ZNF792: variants seen among roughly 807,000 people sequenced by gnomAD.
The protein encoded by ZNF792 is zinc finger protein 792.
Under a neutral mutation model 13.1 loss-of-function variants are expected in ZNF792, and 14 were observed. The ratio of observed to expected loss-of-function variants is 1.07; its 90% CI spans 0.71 to 1.67. The LOEUF (loss-of-function observed/expected upper bound fraction) is 1.67. Ranked by LOEUF, ZNF792 falls within the 40% of genes most tolerant of loss-of-function variation. ZNF792 has a pLI of 0.00. For synonymous variants in ZNF792, 257 were observed against 292.0 expected, an observed-to-expected ratio of 0.88 and a Z score of 1.22; for missense variants, 740 against 807.9, an observed-to-expected ratio of 0.92 and a Z score of 1.02.
At position 34,963,670 on chromosome 19, in the gene ZNF792, T is replaced by C. The variant is rs78247295; in HGVS notation, c.-8A>G. ...CAGCGCCGCCGCTGCCATCGGAGTC[T>C]GTGGTCAGAGCAGGGCCCCACGGTG... On this transcript the variant is annotated 5_prime_UTR_variant, in exon 1 of 4. Transcript: ENST00000404801. 6.9e-3 allele frequency: 10,982 copies of C among 1,597,774 alleles called. 50 individuals are homozygous for C. The highest frequency in any genetic ancestry group is 0.013 in the South Asian group (1,139 of 88,738).
chr19:34,957,907 T>G lies in ZNF792; in HGVS notation c.*49A>C. The G allele has an allele frequency of 2.0e-6, 3 of 1,523,318 alleles. No individual in the cohort carries two copies. The highest frequency in any genetic ancestry group is 1.8e-4 in the Middle Eastern group (1 of 5,530). 94.4% of individuals were successfully genotyped at this position (1,523,318 alleles called of 1,614,324 possible). The stretch of plus-strand genomic sequence containing the variant: ...GAAAAAACGCTGATAAACTCTACAG[T>G]AAGAGAATGTAACTTGTCTCCAGAA... On this transcript the variant is annotated 3_prime_UTR_variant, in exon 4 of 4. Transcript: ENST00000404801.
At position 34,958,381 on chromosome 19, in the gene ZNF792, T is replaced by C; in HGVS notation, c.1474A>G (p.Ser492Gly). The C allele has an allele frequency of 6.2e-7, 1 of 1,613,820 alleles. No individual in the cohort carries two copies. The highest frequency in any genetic ancestry group is 8.5e-7 in the Non-Finnish European group (1 of 1,179,818). The change falls in exon 4 of 4, where the codon AGC becomes GGC. Residue 492 changes from serine to glycine, a missense_variant. Physicochemically the swap from Ser to Gly is moderately conservative, Grantham distance 56. Coordinates refer to ENST00000404801, the MANE Select transcript of ZNF792 (RefSeq NM_175872.5). The part of the protein sequence containing the change: ...ECGKLFSQSS[S>G]LNSHRRLHTG... ...TGAAGTCTCCGATGGCTATTGAGGCTGGAGCTCTGGCTAAATAACTTCCCA... is the reference window on the plus strand; with the variant it reads ...TGAAGTCTCCGATGGCTATTGAGGCCGGAGCTCTGGCTAAATAACTTCCCA...
rs2013474309 is a variant in ZNF792 at position 34,958,624 on chromosome 19, T to G, written c.1231A>C (p.Lys411Gln). ...TCTCCAGTGTGAACTCTCCAATGTT[T>G]AATTAGGCTGGAGTTGCAGTTGAAA... ...KSFNCNSSLI[K>Q]HWRVHTGERP... The change falls in exon 4 of 4, where the codon AAA becomes CAA. Residue 411 changes from lysine (K) to glutamine (Q), a missense_variant. By Grantham distance (53) the Lys-to-Gln change is moderately conservative. Transcript: ENST00000404801. The G allele has an allele frequency of 6.2e-7, 1 of 1,613,350 alleles. No individual in the cohort carries two copies. Among genetic ancestry groups the G allele is most frequent in the East Asian group, 2.2e-5 (1 of 44,886 alleles).
intron 2 of ZNF792, 28 bp from the exon 3 acceptor site, chr19:34,960,385 G>C: frequency 1.9e-6 from 3 of 1,606,606 alleles, no homozygotes; most frequent in Non-Finnish European, 2.5e-6. Flanking sequence ...TGGGTCAGTG[G>C]CCAGCACCTG....
At position 34,957,144 on chromosome 19, in the gene ZNF792, A is replaced by G. The variant is rs745568026; in HGVS notation, c.*812T>C. The G allele has an allele frequency of 2.6e-5, 4 of 152,230 alleles. No individual in the cohort carries two copies. Among genetic ancestry groups the G allele is most frequent in the Non-Finnish European group, 5.9e-5 (4 of 68,040 alleles). The allele number at this position is 152,230 out of a possible 1,614,324, so 9.4% of individuals were successfully genotyped here. A position where few individuals can be genotyped will look rare whatever the true frequency, so the allele number is the denominator to read the frequency against. On this transcript the variant is annotated 3_prime_UTR_variant, in exon 4 of 4. Coordinates refer to ENST00000404801, the MANE Select transcript of ZNF792 (RefSeq NM_175872.5). ...GGCATATGGCTCCTTGGCAGGTGCT[A>G]AACAGCATCTGCTTTACAGTATTGG...
In ZNF792 at chr19:34,957,824, C is replaced by T; in HGVS notation, c.*132G>A. On this transcript the variant is annotated 3_prime_UTR_variant, in exon 4 of 4. Transcript: ENST00000404801. ...TGAGCACAGTGGAGTGGTGGACACA[C>T]TCTTTGGAGAGCTGCAGTGTGTGGT... 1 of 884,878 alleles carries T rather than the reference C, an allele frequency of 1.1e-6. No homozygotes were observed. Among genetic ancestry groups the T allele is most frequent in the Non-Finnish European group, 1.7e-6 (1 of 587,950 alleles). 54.8% of individuals were successfully genotyped at this position (884,878 alleles called of 1,614,324 possible). A position where few individuals can be genotyped will look rare whatever the true frequency, so the allele number is the denominator to read the frequency against.
chr19:34,958,658 A>G lies in ZNF792; in HGVS notation c.1197T>C (p.Cys399=), dbSNP rs566122876. Residue 399 remains cysteine (C), a synonymous_variant, in exon 4 of 4, where the codon TGT becomes TGC. Transcript: ENST00000404801. ...TGRSAHECSE[C]GKSFNCNSSL... The stretch of plus-strand genomic sequence containing the variant: ...TGGAGTTGCAGTTGAAAGATTTCCC[A>G]CATTCACTGCACTCATGGGCACTTC... The G allele has an allele frequency of 1.1e-5, 17 of 1,614,106 alleles. No individual in the cohort carries two copies. In the African/African-American group the frequency reaches 2.0e-4, roughly 19 times the overall value.
Position 34,959,591 on chromosome 19 carries a change from G to A in ZNF792, c.284-20C>T, listed in dbSNP as rs1348921712. The A allele has an allele frequency of 1.3e-6, 2 of 1,515,152 alleles. No individual in the cohort carries two copies. Among genetic ancestry groups the A allele is most frequent in the Admixed American group, 4.5e-5 (2 of 44,386 alleles). 93.9% of individuals were successfully genotyped at this position (1,515,152 alleles called of 1,614,324 possible). On this transcript the variant is annotated intron_variant, in intron 3 of 3. Coordinates refer to ENST00000404801, the MANE Select transcript of ZNF792 (RefSeq NM_175872.5). The stretch of plus-strand genomic sequence containing the variant: ...AAAAATCTGAAAGCAGAGAAATGCT[G>A]GTGAAGTTCGTATAAACTTTAATAG...
At position 34,957,835 on chromosome 19, in the gene ZNF792, G is replaced by T; in HGVS notation, c.*121C>A. On this transcript the variant is annotated 3_prime_UTR_variant, in exon 4 of 4. Coordinates refer to ENST00000404801, the MANE Select transcript of ZNF792 (RefSeq NM_175872.5). ...GAGTGGTGGACACACTCTTTGGAGA[G>T]CTGCAGTGTGTGGTGCTGACATGGC... 2 of 949,512 alleles carry T rather than the reference G, an allele frequency of 2.1e-6. No homozygotes were observed. Among genetic ancestry groups the T allele is most frequent in the Non-Finnish European group, 3.1e-6 (2 of 644,626 alleles). 58.8% of individuals were successfully genotyped at this position (949,512 alleles called of 1,614,324 possible). A position where few individuals can be genotyped will look rare whatever the true frequency, so the allele number is the denominator to read the frequency against.
At chr19:34,960,445 A>T in intron 2 of ZNF792, 88 bp from the exon 3 acceptor site, 8 of 1,511,480 alleles carry the variant, frequency 5.3e-6, no homozygotes, top group Non-Finnish European at 7.1e-6. Flanking sequence ...GCTCCGTATG[A>T]CACAGGGACA....
At position 34,957,987 on chromosome 19, in the gene ZNF792, T is replaced by A. The variant is rs1277060710; in HGVS notation, c.1868A>T (p.His623Leu). The change falls in exon 4 of 4, where the codon CAT becomes CTT. Residue 623 changes from histidine to leucine, a missense_variant. Coordinates refer to ENST00000404801, the MANE Select transcript of ZNF792 (RefSeq NM_175872.5). ...GAVNYKLKLV[H>L]PSTHPGEVP is the part of the protein sequence containing the mutation. ...AACCTCCCCAGGGTGGGTACTTGGA[T>A]GAACAAGTTTCAACTTGTAGTTGAC... The A allele has an allele frequency of 1.2e-6, 2 of 1,611,678 alleles. No homozygotes were observed. Among genetic ancestry groups the A allele is most frequent in the Non-Finnish European group, 8.5e-7 (1 of 1,178,608 alleles).
chr19:34,958,433 A>G lies in ZNF792; in HGVS notation c.1422T>C (p.Gly474=), dbSNP rs745692032. ...ATTCATTGCATTCATAAGGCCGCTC[A>G]CCAGTGTGAACTCGCTGATGTTTCA... The part of the protein sequence containing the change: ...DLMKHQRVHT[G]ERPYECNECG... Residue 474 remains glycine, a synonymous_variant, in exon 4 of 4, where the codon GGT becomes GGC. Coordinates refer to ENST00000404801, the MANE Select transcript of ZNF792 (RefSeq NM_175872.5). The G allele has an allele frequency of 3.7e-6, 6 of 1,607,806 alleles. No homozygotes were observed. In the African/African-American group the frequency reaches 8.2e-5, roughly 22 times the overall value.
In ZNF792 at chr19:34,963,890, G is replaced by A. The variant is rs1164357684; in HGVS notation, c.-228C>T. On this transcript the variant is annotated 5_prime_UTR_variant, in exon 1 of 4. It adds an upstream start codon to the 5' untranslated region. Coordinates refer to ENST00000404801, the MANE Select transcript of ZNF792 (RefSeq NM_175872.5). The stretch of plus-strand genomic sequence containing the variant: ...GCGCGCAGCTCCGCTGGGTACCCCC[G>A]TTGCAAGGGGTCACGGCTGGTGCAA... 3 of 537,140 alleles carry A rather than the reference G, an allele frequency of 5.6e-6. No individual in the cohort carries two copies. The highest frequency in any genetic ancestry group is 4.0e-5 in the African/African-American group (2 of 49,590). The allele number at this position is 537,140 out of a possible 1,614,324, so 33.3% of individuals were successfully genotyped here.
At chr19:34,960,694 A>T in intron 2 of ZNF792, 174 bp downstream of exon 2, 1 of 982,038 alleles carries the variant, frequency 1.0e-6, no homozygotes, top group Non-Finnish European at 1.5e-6. Flanking sequence ...CAGCTCAGGG[A>T]GAGGAGGGAA....
chr19:34,963,501 T>C, intron 1 of ZNF792, 129 bp downstream of exon 1: 6 of 1,338,096 alleles, frequency 4.5e-6, no homozygotes, highest in Non-Finnish European at 6.3e-6. Flanking sequence ...CCTTCCAGGG[T>C]CCCCTGACTC....
chr19:34,963,563 G>T, intron 1 of ZNF792, 67 bp downstream of exon 1: 2 of 1,566,266 alleles, frequency 1.3e-6, no homozygotes, highest in South Asian at 1.2e-5. Flanking sequence ...GCCATCTTTT[G>T]CGTCTCAACA....
At position 34,960,986 on chromosome 19, in the gene ZNF792, C is replaced by A; in HGVS notation, c.42G>T (p.Val14=). 1 of 1,613,186 alleles carries A rather than the reference C, an allele frequency of 6.2e-7. No homozygotes were observed. Among genetic ancestry groups the A allele is most frequent in the South Asian group, 1.1e-5 (1 of 91,016 alleles). The change falls in exon 2 of 4, where the codon GTG becomes GTT. Residue 14 remains valine, a synonymous_variant. Coordinates refer to ENST00000404801, the MANE Select transcript of ZNF792 (RefSeq NM_175872.5). ...AGTAAATGGTCACGTCCTCAAAGGT[C>A]ACGCAGCCCTGCCATGATGGGGACA... is the stretch of plus-strand genomic sequence containing the variant. The part of the protein sequence containing the change: ...AALRDPAQGC[V]TFEDVTIYFS...
chr19:34,958,243 C>G lies in ZNF792; in HGVS notation c.1612G>C (p.Glu538Gln), dbSNP rs768588430. ...CTCTGCCTGAAGGTTTTCCCACATTCGCTGCACTCATAAGGCCGCTCGCCG... is the reference window on the plus strand; with the variant it reads ...CTCTGCCTGAAGGTTTTCCCACATTGGCTGCACTCATAAGGCCGCTCGCCG... ...HTGERPYECS[E>Q]CGKTFRQRSN... Residue 538 changes from glutamate (E) to glutamine (Q), a missense_variant, in exon 4 of 4, where the codon GAA becomes CAA. Physicochemically the swap from Glu to Gln is conservative, Grantham distance 29. Transcript: ENST00000404801. 6.2e-7 allele frequency: 1 copy of G among 1,614,064 alleles called. No homozygotes were observed. The highest frequency in any genetic ancestry group is 1.3e-5 in the African/African-American group (1 of 75,020).
rs745359504 is a variant in ZNF792 at position 34,959,566 on chromosome 19, A to AAT, written c.288_289insAT (p.Cys97IlefsTer18). 3.2e-5 allele frequency: 48 copies of AAT among 1,519,274 alleles called. No homozygotes were observed. In the Middle Eastern group the frequency reaches 1.1e-3, roughly 34 times the overall value. 94.1% of individuals were successfully genotyped at this position (1,519,274 alleles called of 1,614,324 possible). On this transcript the variant is annotated frameshift_variant, in exon 4 of 4. Transcript: ENST00000404801. LOFTEE classifies it low-confidence loss of function (END_TRUNC). ...AAGTCCTTGCCCTCTGTTCCATGGCAAAAATCTGAAAGCAGAGAAATGCTG... is the reference window on the plus strand; with the variant it reads ...AAGTCCTTGCCCTCTGTTCCATGGCAATAAAATCTGAAAGCAGAGAAATGCTG...
Sources: gnomAD v4.1 joint callset for allele counts on GRCh38, gnomAD v4.1.1 for gene constraint, MANE v1.5 for transcripts, NCBI Gene and HGNC (gene_info 2026-07-23, HGNC 2026-07-21) for gene names.